Variants in RAD50 observed in about 807,000 individuals in gnomAD.
RAD50 encodes the protein DNA repair protein RAD50.
RAD50 carries 132 observed loss-of-function variants against 168.8 expected under a neutral mutation model. The observed-to-expected ratio is 0.78, with a 90% CI of 0.68 to 0.90. RAD50 has a LOEUF of 0.90. Ranked by LOEUF, RAD50 falls within the 40% of genes least tolerant of loss-of-function variation. The pLI is 0.00. For missense variants in RAD50, 1,347 were observed against 1,534.4 expected (o/e 0.88, Z 2.04); for synonymous variants, 525 against 497.4 (o/e 1.06, Z -0.74).
chr5:132,603,773 T>C (rs917107967), intron 14 of RAD50, 147 bp from the exon 15 acceptor site: 6 of 828,682 alleles, frequency 7.2e-6, no homozygotes, highest in Non-Finnish European at 1.1e-5. Flanking sequence ...AATTTCACTT[T>C]TATCCTATTA....
chr5:132,642,238 A>C lies in RAD50; in HGVS notation c.3813A>C (p.Glu1271Asp). 6.2e-7 allele frequency: 1 copy of C among 1,614,174 alleles called. No individual in the cohort carries two copies. The highest frequency in any genetic ancestry group is 8.5e-7 in the Non-Finnish European group (1 of 1,180,004). ...AGCTTCTGGTAATCACTCATGATGA[A>C]GATTTTGTGGAGCTTTTAGGACGTT... ...NFQLLVITHD[E>D]DFVELLGRSE... The change falls in exon 25 of 25, where the codon GAA becomes GAC. Residue 1271 changes from glutamate to aspartate, a missense_variant. Transcript: ENST00000378823.
At chr5:132,561,478 C>T (rs1336482102) in intron 2 of RAD50, among the ~76,000 whole-genome samples, 1 of 146,592 alleles carries the variant, frequency 6.8e-6, no homozygotes, top group African/African-American at 2.4e-5. Flanking sequence ...CAGATGTGAG[C>T]CACTGCACCC....
intron 21 of RAD50, among the ~76,000 whole-genome samples, chr5:132,631,676 A>G (rs1022740400): frequency 2.0e-5 from 3 of 152,162 alleles, no homozygotes; most frequent in Non-Finnish European, 4.4e-5. Context: ...AAAGCGTGTT[A>G]AGTTAATTGG....
At chr5:132,578,418 C>T (rs1256066267) in intron 3 of RAD50, among the ~76,000 whole-genome samples, 7 of 152,072 alleles carry the variant, frequency 4.6e-5, no homozygotes, top group Non-Finnish European at 1.0e-4. Context: ...TCCAAGCTAC[C>T]ATTGTCTTTC....
At chr5:132,577,386 A>G (rs57038898) in intron 3 of RAD50, among the ~76,000 whole-genome samples, 2,212 of 152,340 alleles carry the variant, frequency 0.015, 66 homozygotes, top group African/African-American at 0.051. Context: ...CCCTAATTCC[A>G]TCTGTAATCT....
chr5:132,613,592 GTCT>G (rs1442980689), intron 19 of RAD50, among the ~76,000 whole-genome samples: 2 of 125,292 alleles, frequency 1.6e-5, no homozygotes, highest in African/African-American at 7.3e-5. Context: ...CTTCACAATA[GTCT>G]TTTTTTTTTT....
In RAD50 at chr5:132,588,126, A is replaced by G. The variant is rs202247039; in HGVS notation, c.1051+37A>G. 4.3e-5 allele frequency: 67 copies of G among 1,572,738 alleles called. 1 individual carries two copies. The Middle Eastern group carries it at 1.0e-3, about 24-fold the overall frequency. ...TGTTTATTTGGTCGTTTTTCCTACT[A>G]TGATGTTATACATTTTCTGTATGAA... On this transcript the variant is annotated intron_variant, in intron 7 of 24. Coordinates refer to ENST00000378823, the MANE Select transcript of RAD50 (RefSeq NM_005732.4).
chr5:132,605,285 C>T (rs918131550), intron 16 of RAD50, among the ~76,000 whole-genome samples: 3 of 152,088 alleles, frequency 2.0e-5, no homozygotes, highest in East Asian at 1.9e-4. Flanking sequence ...TAAGGTGATC[C>T]GCCTACCTTG....
At chr5:132,607,941 A>G (rs1291337302) in intron 16 of RAD50, among the ~76,000 whole-genome samples, 1 of 152,230 alleles carries the variant, frequency 6.6e-6, no homozygotes, top group Non-Finnish European at 1.5e-5. Context: ...AACTGTGGTT[A>G]TCATATAACT....
chr5:132,628,310 G>A (rs900416426), intron 21 of RAD50, among the ~76,000 whole-genome samples: 1 of 152,174 alleles, frequency 6.6e-6, no homozygotes, highest in Admixed American at 6.5e-5. Flanking sequence ...AGTTATGTTT[G>A]CAAATCCAGT....
intron 11 of RAD50, chr5:132,592,803 C>A (rs1371447075): frequency 4.2e-6 from 2 of 470,824 alleles, no homozygotes; most frequent in South Asian, 3.1e-5. Context: ...CCTCCTGTTA[C>A]AATTCTTTGA....
rs922626726 is a variant in RAD50 at position 132,595,263 on chromosome 5, G to A, written c.1969+219G>A. On this transcript the variant is annotated intron_variant, in intron 12 of 24. Transcript: ENST00000378823. The stretch of plus-strand genomic sequence containing the variant: ...TAAAATGAGGACACAACTACCACCT[G>A]TGGTACTGAGGTGTGAATGAGATTG... 8.3e-6 allele frequency: 5 copies of A among 600,044 alleles called. No homozygotes were observed. In the African/African-American group the frequency reaches 9.3e-5, roughly 11 times the overall value. 37.2% of individuals were successfully genotyped at this position (600,044 alleles called of 1,614,324 possible).
At chr5:132,613,118 A>G (rs1271179538) in intron 19 of RAD50, among the ~76,000 whole-genome samples, 1 of 151,982 alleles carries the variant, frequency 6.6e-6, no homozygotes, top group Non-Finnish European at 1.5e-5. Context: ...ATGTTTCCAT[A>G]GGTGACCAGC....
intron 2 of RAD50, among the ~76,000 whole-genome samples, chr5:132,573,391 A>G (rs1411343593): frequency 6.6e-6 from 1 of 152,058 alleles, no homozygotes; most frequent in Non-Finnish European, 1.5e-5. Context: ...TCCCCCTTAT[A>G]ATGACCATCA....
intron 21 of RAD50, among the ~76,000 whole-genome samples, chr5:132,622,220 G>A (rs1751298863): frequency 6.6e-6 from 1 of 151,898 alleles, no homozygotes; most frequent in African/African-American, 2.4e-5. Context: ...GAGTGCAGTG[G>A]CATGATCTCG....
At chr5:132,559,440 A>G in intron 2 of RAD50, 73 bp downstream of exon 2, 1 of 1,451,846 alleles carries the variant, frequency 6.9e-7, no homozygotes, top group South Asian at 1.3e-5. Flanking sequence ...AAAACTTGGC[A>G]CTGGAAAACT....
rs1129482 is a variant in RAD50, at chr5:132,609,205, A to G, written c.2918A>G (p.Lys973Arg). ...NYIQDGKDDY[K>R]KQKETELNKV... The stretch of plus-strand genomic sequence containing the variant: ...ATTCAAGATGGGAAAGACGACTATA[A>G]GAAGGTAATTTAAAACTTAAAATTA... The change falls in exon 18 of 25, where the codon AAG becomes AGG. Residue 973 changes from lysine (K) to arginine (R), a missense_variant. Around this residue, in one of 3 missense-constraint regions of RAD50, gnomAD observed 635 missense variants for 739.2 expected, o/e 0.86. Coordinates refer to ENST00000378823, the MANE Select transcript of RAD50 (RefSeq NM_005732.4). 1.2e-6 allele frequency: 2 copies of G among 1,610,836 alleles called. No homozygotes were observed. The highest frequency in any genetic ancestry group is 1.7e-6 in the Non-Finnish European group (2 of 1,178,608).
chr5:132,589,916 A>T, intron 9 of RAD50, 79 bp downstream of exon 9: 1 of 1,272,244 alleles, frequency 7.9e-7, no homozygotes, highest in Non-Finnish European at 1.1e-6. Context: ...TGATCCTAAG[A>T]TTATAGCATT....
Position 132,642,620 on chromosome 5 carries a change from T to A in RAD50, c.*256T>A. ...CTGTCAGGCCTTCAGGGTTCAGCAG[T>A]ACAGCCGAGACTCGACTCTGTGCCT... On this transcript the variant is annotated 3_prime_UTR_variant, in exon 25 of 25. Coordinates refer to ENST00000378823, the MANE Select transcript of RAD50 (RefSeq NM_005732.4). 1 of 535,302 alleles carries A rather than the reference T, an allele frequency of 1.9e-6. No individual in the cohort carries two copies. The highest frequency in any genetic ancestry group is 3.2e-5 in the East Asian group (1 of 30,940). 33.2% of individuals were successfully genotyped at this position (535,302 alleles called of 1,614,324 possible).
Sources: gnomAD v4.1 joint callset for allele counts (sites outside exome capture counted in the v4.1 genomes callset) on GRCh38, gnomAD v4.1.1 for gene constraint, gnomAD v4.1.1 regional missense constraint, MANE v1.5 for transcripts, NCBI Gene and HGNC (gene_info 2026-07-23, HGNC 2026-07-21) for gene names.